Variants in ALDH1A1 observed in about 807,000 individuals in gnomAD.
ALDH1A1 encodes aldehyde dehydrogenase 1A1.
ALDH1A1 carries 19 observed loss-of-function variants against 62.1 expected under a neutral mutation model. The observed-to-expected ratio is 0.31, with a 90% confidence interval of 0.21 to 0.45. The LOEUF (loss-of-function observed/expected upper bound fraction) is 0.45. Ranked by LOEUF, ALDH1A1 falls within the 20% of genes least tolerant of loss-of-function variation. ALDH1A1 has a pLI of 1.00. For missense variants in ALDH1A1, 521 were observed against 607.1 expected (o/e 0.86, Z 1.49); for synonymous variants, 231 against 215.9 (o/e 1.07, Z -0.61).
At position 72,938,037 on chromosome 9, in the gene ALDH1A1, C is replaced by T. The variant is rs1330286; in HGVS notation, c.171+2111G>A. 1.8e-4 allele frequency among the ~76,000 whole-genome samples: 28 copies of T among 151,970 alleles called. No homozygotes were observed. The East Asian group carries it at 5.4e-3, about 30-fold the overall frequency. On this transcript the variant is annotated intron_variant, in intron 2 of 12. Coordinates refer to ENST00000297785, the MANE Select transcript of ALDH1A1 (RefSeq NM_000689.5). ...TAAATCTAAAAGGGCCCCCTCAGGT[C>T]TGTCACTATCTTGGAATAAGTATCT...
intron 8 of ALDH1A1, among the ~76,000 whole-genome samples, chr9:72,917,849 C>A (rs1466955683): frequency 6.6e-6 from 1 of 152,148 alleles, no homozygotes; most frequent in East Asian, 1.9e-4. Flanking sequence ...AATGTTATAG[C>A]AACTGGGTAT....
chr9:72,905,182 A>G (rs1300875351), intron 12 of ALDH1A1, among the ~76,000 whole-genome samples: 2 of 152,146 alleles, frequency 1.3e-5, no homozygotes, highest in African/African-American at 4.8e-5. Context: ...TTTTCTTCAT[A>G]AATGTTTACA....
At chr9:72,908,862 G>A (rs993904948) in intron 11 of ALDH1A1, among the ~76,000 whole-genome samples, 2 of 152,114 alleles carry the variant, frequency 1.3e-5, no homozygotes, top group African/African-American at 2.4e-5. Flanking sequence ...GGTCAAAAAT[G>A]GGAGAGGGAG....
At chr9:72,934,397 A>G (rs1830322221) in intron 2 of ALDH1A1, among the ~76,000 whole-genome samples, 1 of 152,152 alleles carries the variant, frequency 6.6e-6, no homozygotes, top group Admixed American at 6.5e-5. Flanking sequence ...AAATAATTTT[A>G]TCTTATCACT....
intron 12 of ALDH1A1, among the ~76,000 whole-genome samples, chr9:72,904,477 C>T (rs960913251): frequency 6.6e-6 from 1 of 152,116 alleles, no homozygotes; most frequent in African/African-American, 2.4e-5. Context: ...GCCCTCTTCT[C>T]TACTAACTGA....
intron 1 of ALDH1A1, chr9:72,942,340 C>T (rs1209940627): frequency 2.0e-6 from 2 of 985,202 alleles, no homozygotes; most frequent in Non-Finnish European, 2.4e-6. Context: ...ATGCTGCTCT[C>T]ACCCCAAAGT....
intron 10 of ALDH1A1, among the ~76,000 whole-genome samples, chr9:72,910,803 AG>A (rs1345828631): frequency 1.3e-5 from 2 of 152,154 alleles, no homozygotes; most frequent in East Asian, 3.9e-4. Flanking sequence ...ATAGAGGTTG[AG>A]TGTGAATCTT....
chr9:72,937,014 A>G (rs1830354634), intron 2 of ALDH1A1, among the ~76,000 whole-genome samples: 1 of 152,160 alleles, frequency 6.6e-6, no homozygotes, highest in Non-Finnish European at 1.5e-5. Context: ...GGTGGGGCTC[A>G]GCTATCTGTG....
chr9:72,912,446 C>T (rs550938959), intron 9 of ALDH1A1, among the ~76,000 whole-genome samples: 4 of 152,196 alleles, frequency 2.6e-5, no homozygotes, highest in South Asian at 2.1e-4. Context: ...GCCTGTTAAT[C>T]TAAATACATT....
chr9:72,940,033 C>A (rs946319371), intron 2 of ALDH1A1, 115 bp downstream of exon 2: 7 of 699,414 alleles, frequency 1.0e-5, no homozygotes, highest in Non-Finnish European at 1.7e-5. Flanking sequence ...TAAGCTGCCC[C>A]AGAAACCATA....
chr9:72,901,195 T>C lies in ALDH1A1; in HGVS notation c.*13A>G. 6.3e-7 allele frequency: 1 copy of C among 1,581,458 alleles called. No individual in the cohort carries two copies. Among genetic ancestry groups the C allele is most frequent in the Non-Finnish European group, 8.7e-7 (1 of 1,152,048 alleles). On this transcript the variant is annotated 3_prime_UTR_variant, in exon 13 of 13. Coordinates refer to ENST00000297785, the MANE Select transcript of ALDH1A1 (RefSeq NM_000689.5). ...TAGCTATTGAAGAGCTTCTCTCCAC[T>C]CTTGTATTTTCTTTATGAGTTCTTC...
At chr9:72,940,648 G>A (rs529055029) in intron 1 of ALDH1A1, among the ~76,000 whole-genome samples, 4 of 152,118 alleles carry the variant, frequency 2.6e-5, no homozygotes, top group African/African-American at 7.2e-5. Context: ...TGGTGATTTG[G>A]AATCATAAGA....
intron 7 of ALDH1A1, among the ~76,000 whole-genome samples, chr9:72,921,283 T>A (rs1830139753): frequency 6.6e-6 from 1 of 151,716 alleles, no homozygotes; most frequent in Non-Finnish European, 1.5e-5. Flanking sequence ...CCTAAAGTGT[T>A]GTTAGAATGG....
At chr9:72,908,707 G>A (rs1035051453) in intron 11 of ALDH1A1, among the ~76,000 whole-genome samples, 4 of 151,830 alleles carry the variant, frequency 2.6e-5, no homozygotes, top group Non-Finnish European at 5.9e-5. Flanking sequence ...AGGACTGAGG[G>A]GCCAAAATTA....
At chr9:72,919,365 C>T (rs1201088171) in intron 7 of ALDH1A1, among the ~76,000 whole-genome samples, 3 of 152,082 alleles carry the variant, frequency 2.0e-5, no homozygotes, top group Non-Finnish European at 2.9e-5. Context: ...TGAATCTCAT[C>T]CTTCTTCTCA....
intron 8 of ALDH1A1, among the ~76,000 whole-genome samples, chr9:72,917,976 G>A (rs1329176220): frequency 6.6e-6 from 1 of 152,186 alleles, no homozygotes; most frequent in Admixed American, 6.5e-5. Context: ...TCATAAGGTA[G>A]TGTGTTCTAA....
chr9:72,929,536 G>A (rs1409799128), intron 3 of ALDH1A1, among the ~76,000 whole-genome samples: 1 of 152,160 alleles, frequency 6.6e-6, no homozygotes, highest in East Asian at 1.9e-4. Flanking sequence ...TCCTTCAGCA[G>A]AATTTTAATT....
chr9:72,925,692 C>A, intron 5 of ALDH1A1, 80 bp from the exon 6 acceptor site: 1 of 1,446,456 alleles, frequency 6.9e-7, no homozygotes, highest in Non-Finnish European at 9.4e-7. Flanking sequence ...TTATACACCC[C>A]CTGTAGATGT....
intron 2 of ALDH1A1, among the ~76,000 whole-genome samples, chr9:72,933,592 C>CAAAAAAAAAAAAAAA (rs60011646): frequency 8.9e-6 from 1 of 111,732 alleles, no homozygotes; most frequent in African/African-American, 3.5e-5. Context: ...CATCTCAAAA[C>CAAAAAAAAAAAAAAA]AAAAAAAAAA....
Sources: gnomAD v4.1 joint callset for allele counts (sites outside exome capture counted in the v4.1 genomes callset) on GRCh38, gnomAD v4.1.1 for gene constraint, MANE v1.5 for transcripts, NCBI Gene and HGNC (gene_info 2026-07-23, HGNC 2026-07-21) for gene names.